SNTG1: variants seen among roughly 807,000 people sequenced by gnomAD.
The protein encoded by SNTG1 is syntrophin gamma 1.
In SNTG1, 39 loss-of-function variants were observed where a neutral mutation model predicts 74.7. The ratio of observed to expected loss-of-function variants is 0.52; its 90% CI spans 0.40 to 0.68. The LOEUF is 0.68. SNTG1 is among the 30% of genes least tolerant of loss of function. The pLI is 0.00. For synonymous variants in SNTG1, 254 were observed against 217.1 expected, an observed-to-expected ratio of 1.17 and a Z score of -1.49; for missense variants, 685 against 609.5, an observed-to-expected ratio of 1.12 and a Z score of -1.30.
intron 15 of SNTG1, among the ~76,000 whole-genome samples, chr8:50,675,673 A>G (rs913296064): frequency 2.6e-5 from 4 of 151,848 alleles, no homozygotes; most frequent in Non-Finnish European, 5.9e-5. Flanking sequence ...GGTTGGTATT[A>G]TTATATGTGA....
rs76478597 is a variant in SNTG1 at position 50,428,252 on chromosome 8, A to G, written c.163-10291A>G. ...TTTAGCCCAAGAATTCAAGGTTACA[A>G]TGAGTTATAATGAAGCCACTGCATT... On this transcript the variant is annotated intron_variant, in intron 4 of 18. Coordinates refer to ENST00000642720, the MANE Select transcript of SNTG1 (RefSeq NM_018967.5). 1.1e-4 allele frequency among the ~76,000 whole-genome samples: 17 copies of G among 152,284 alleles called. No homozygotes were observed. The East Asian group carries it at 2.7e-3, about 24-fold the overall frequency.
chr8:50,780,552 C>T (rs1331502416), intron 18 of SNTG1, among the ~76,000 whole-genome samples: 1 of 151,846 alleles, frequency 6.6e-6, no homozygotes, highest in Non-Finnish European at 1.5e-5. Context: ...TGGTGATATC[C>T]CCTTTATCAT....
At chr8:50,547,359 G>T (rs991735925) in intron 11 of SNTG1, among the ~76,000 whole-genome samples, 1 of 152,056 alleles carries the variant, frequency 6.6e-6, no homozygotes, top group Non-Finnish European at 1.5e-5. Flanking sequence ...TCCTTCGTCT[G>T]GCATAAACCT....
intron 8 of SNTG1, among the ~76,000 whole-genome samples, chr8:50,499,242 TTG>T (rs2093929973): frequency 6.6e-6 from 1 of 151,926 alleles, no homozygotes; most frequent in Non-Finnish European, 1.5e-5. Context: ...TAGCAATGTT[TTG>T]TATACAGGGC....
chr8:49,980,858 G>A (rs1355124701), intron 1 of SNTG1, among the ~76,000 whole-genome samples: 3 of 152,028 alleles, frequency 2.0e-5, no homozygotes, highest in Non-Finnish European at 2.9e-5. Flanking sequence ...TTCACAGACT[G>A]TACACTTTTA....
At chr8:50,682,134 A>G (rs1283822165) in intron 15 of SNTG1, among the ~76,000 whole-genome samples, 1 of 152,172 alleles carries the variant, frequency 6.6e-6, no homozygotes, top group Non-Finnish European at 1.5e-5. Context: ...CTTTACTTCT[A>G]TAGAAGGGTG....
chr8:50,109,578 TAATG>T (rs2080504263), intron 1 of SNTG1, among the ~76,000 whole-genome samples: 2 of 152,182 alleles, frequency 1.3e-5, no homozygotes, highest in South Asian at 4.1e-4. Context: ...TTCTCAAACT[TAATG>T]AATAGAATAC....
At chr8:50,178,129 T>C (rs962802522) in intron 2 of SNTG1, among the ~76,000 whole-genome samples, 3 of 152,204 alleles carry the variant, frequency 2.0e-5, no homozygotes, top group Admixed American at 1.3e-4. Context: ...CAGTTACAAA[T>C]ACAGCTGCAA....
At chr8:50,637,353 G>GA (rs2095045703) in intron 13 of SNTG1, among the ~76,000 whole-genome samples, 1 of 152,014 alleles carries the variant, frequency 6.6e-6, no homozygotes, top group African/African-American at 2.4e-5. Context: ...CTTATTTGCA[G>GA]AAAAAATGTC....
chr8:50,061,571 G>T, intron 1 of SNTG1, among the ~76,000 whole-genome samples: 1 of 151,804 alleles, frequency 6.6e-6, no homozygotes, highest in East Asian at 1.9e-4. Flanking sequence ...TACTTTTTAG[G>T]TAGGAATTTA....
chr8:50,582,046 C>T (rs1164816017), intron 12 of SNTG1, among the ~76,000 whole-genome samples: 9 of 152,118 alleles, frequency 5.9e-5, no homozygotes, highest in Non-Finnish European at 1.2e-4. Flanking sequence ...GTCTTCCCAG[C>T]CCTATTTTGT....
intron 2 of SNTG1, among the ~76,000 whole-genome samples, chr8:50,305,348 G>GT (rs764958543): frequency 6.6e-5 from 10 of 152,052 alleles, no homozygotes; most frequent in Non-Finnish European, 1.3e-4. Flanking sequence ...TGATAAAACA[G>GT]TTTTTTTAAT....
intron 17 of SNTG1, among the ~76,000 whole-genome samples, chr8:50,720,257 C>T (rs560541528): frequency 6.6e-6 from 1 of 152,276 alleles, no homozygotes; most frequent in East Asian, 1.9e-4. Context: ...TTATCCTTAC[C>T]CTTGCCATTT....
chr8:50,427,456 G>A (rs147937585), intron 4 of SNTG1, among the ~76,000 whole-genome samples: 1 of 151,972 alleles, frequency 6.6e-6, no homozygotes, highest in Admixed American at 6.6e-5. Flanking sequence ...TTGAGTCGGG[G>A]TCTCCCTCTG....
intron 18 of SNTG1, among the ~76,000 whole-genome samples, chr8:50,790,692 C>G (rs1045527880): frequency 6.6e-6 from 1 of 151,874 alleles, no homozygotes; most frequent in African/African-American, 2.4e-5. Context: ...CTCCTGCTTT[C>G]TCTTCTAATC....
intron 1 of SNTG1, among the ~76,000 whole-genome samples, chr8:49,992,630 A>T (rs1209011386): frequency 6.6e-6 from 1 of 152,174 alleles, no homozygotes; most frequent in African/African-American, 2.4e-5. Context: ...GTGTTGGAAG[A>T]AACTTAAATT....
intron 4 of SNTG1, among the ~76,000 whole-genome samples, chr8:50,420,870 C>T (rs1449174857): frequency 6.6e-6 from 1 of 151,512 alleles, no homozygotes; most frequent in Non-Finnish European, 1.5e-5. Context: ...ACTAAAAATA[C>T]AAAAATTAGC....
chr8:50,178,290 G>A (rs1044032883), intron 2 of SNTG1, among the ~76,000 whole-genome samples: 5 of 151,640 alleles, frequency 3.3e-5, no homozygotes, highest in African/African-American at 1.2e-4. Context: ...TGCCACTGCT[G>A]TCTTCTCCTT....
At position 50,591,489 on chromosome 8, in the gene SNTG1, A is replaced by G. The variant is rs1585781095; in HGVS notation, c.849+572A>G. On this transcript the variant is annotated intron_variant, in intron 13 of 18. Transcript: ENST00000642720. ...AATGTTTAAATGCTCTTCAACTTATAAAATGTAAGATATTTTTCTTATCTA... is the reference window on the plus strand; with the variant it reads ...AATGTTTAAATGCTCTTCAACTTATGAAATGTAAGATATTTTTCTTATCTA... 2.0e-5 allele frequency among the ~76,000 whole-genome samples: 3 copies of G among 152,330 alleles called. No homozygotes were observed. In the South Asian group the frequency reaches 6.2e-4, roughly 32 times the overall value.
Sources: gnomAD v4.1 joint callset for allele counts (sites outside exome capture counted in the v4.1 genomes callset) on GRCh38, gnomAD v4.1.1 for gene constraint, MANE v1.5 for transcripts, NCBI Gene and HGNC (gene_info 2026-07-23, HGNC 2026-07-21) for gene names.